NKAIN3: variants seen among roughly 807,000 people sequenced by gnomAD.
NKAIN3 encodes sodium/potassium-transporting ATPase subunit beta-1-interacting protein 3.
In NKAIN3, 25 loss-of-function variants were observed where a neutral mutation model predicts 30.2. That is an observed-to-expected ratio of 0.83 (90% confidence interval 0.60 to 1.16). The LOEUF is 1.16. NKAIN3 is among the 50% of genes most tolerant of loss of function. NKAIN3 has a pLI of 0.00. For missense variants in NKAIN3, 225 were observed against 254.1 expected (o/e 0.89, Z 0.78); for synonymous variants, 91 against 89.6 (o/e 1.02, Z -0.09).
At chr8:62,374,804 T>A (rs1471205053) in intron 1 of NKAIN3, among the ~76,000 whole-genome samples, 1 of 152,254 alleles carries the variant, frequency 6.6e-6, no homozygotes, top group Non-Finnish European at 1.5e-5. Flanking sequence ...TGTAATGTTA[T>A]AGCATATTAT....
At chr8:62,416,297 G>A (rs749243052) in intron 1 of NKAIN3, among the ~76,000 whole-genome samples, 6 of 152,204 alleles carry the variant, frequency 3.9e-5, no homozygotes, top group Admixed American at 6.5e-5. Context: ...GTTTCTTATA[G>A]TTTTGTGAGG....
intron 1 of NKAIN3, chr8:62,473,961 A>C (rs1806434849): frequency 6.6e-6 from 1 of 152,042 alleles, no homozygotes; most frequent in Admixed American, 6.6e-5. Context: ...TATATCTGAA[A>C]TTTTCCTACC....
At chr8:62,540,036 A>G (rs1326957457) in intron 1 of NKAIN3, among the ~76,000 whole-genome samples, 1 of 152,130 alleles carries the variant, frequency 6.6e-6, no homozygotes, top group Non-Finnish European at 1.5e-5. Context: ...CTATTATGGT[A>G]TTTTATTGCT....
chr8:62,766,094 G>A (rs779873934), intron 4 of NKAIN3, among the ~76,000 whole-genome samples: 23 of 152,020 alleles, frequency 1.5e-4, no homozygotes, highest in Non-Finnish European at 3.1e-4. Flanking sequence ...GGTAGATTCC[G>A]TATCTCAATA....
Position 62,810,919 on chromosome 8 carries a change from A to G in NKAIN3, c.471+63790A>G, listed in dbSNP as rs181116200. 7.0e-3 allele frequency among the ~76,000 whole-genome samples: 1,063 copies of G among 152,240 alleles called. 4 individuals carry two copies. The highest frequency in any genetic ancestry group is 0.012 in the Non-Finnish European group (810 of 68,004). On this transcript the variant is annotated intron_variant, in intron 4 of 6. Coordinates refer to ENST00000623646, the MANE Select transcript of NKAIN3 (RefSeq NM_001304533.3). The stretch of plus-strand genomic sequence containing the variant: ...TTTTACCTTGTTTTCCCCAGTAATA[A>G]CTATATCTTGCCGAACTATAGTACA...
chr8:62,432,338 G>C (rs2129597600), intron 1 of NKAIN3, among the ~76,000 whole-genome samples: 1 of 152,058 alleles, frequency 6.6e-6, no homozygotes, highest in African/African-American at 2.4e-5. Context: ...TAATTTGGAG[G>C]AACTTCAAGA....
chr8:62,802,353 T>A (rs1276337216), intron 4 of NKAIN3, among the ~76,000 whole-genome samples: 3 of 152,102 alleles, frequency 2.0e-5, no homozygotes, highest in African/African-American at 7.2e-5. Flanking sequence ...GAAAAAATGT[T>A]AAGGGCAGCC....
chr8:62,459,824 A>G (rs1805934730), intron 1 of NKAIN3, among the ~76,000 whole-genome samples: 1 of 152,194 alleles, frequency 6.6e-6, no homozygotes, highest in Admixed American at 6.5e-5. Flanking sequence ...GAGAGAATAC[A>G]GTAAGAAATG....
chr8:62,790,572 T>C (rs1817675408), intron 4 of NKAIN3, among the ~76,000 whole-genome samples: 1 of 83,888 alleles, frequency 1.2e-5, no homozygotes, highest in Non-Finnish European at 3.1e-5. Flanking sequence ...TGTGTGTCTG[T>C]CTGTCTGTCT....
intron 1 of NKAIN3, among the ~76,000 whole-genome samples, chr8:62,548,468 T>A (rs987679639): frequency 2.6e-5 from 4 of 152,092 alleles, no homozygotes; most frequent in Non-Finnish European, 1.5e-5. Context: ...GCTCCCCCTG[T>A]GTCGGGGGTC....
At chr8:62,845,285 T>TTTTATATATATATATA (rs1554583723) in intron 4 of NKAIN3, among the ~76,000 whole-genome samples, 3 of 68,928 alleles carry the variant, frequency 4.4e-5, no homozygotes, top group Admixed American at 1.6e-4. Flanking sequence ...GGATAGTAGA[T>TTTTATATATATATATA]TATATATATA....
chr8:62,458,650 C>A (rs1417167794), intron 1 of NKAIN3, among the ~76,000 whole-genome samples: 6 of 152,210 alleles, frequency 3.9e-5, no homozygotes, highest in African/African-American at 1.2e-4. Context: ...AAAGGTCTTT[C>A]TCATGTTCTT....
At chr8:62,919,993 G>A (rs1227185933) in intron 5 of NKAIN3, among the ~76,000 whole-genome samples, 1 of 150,972 alleles carries the variant, frequency 6.6e-6, no homozygotes, top group Non-Finnish European at 1.5e-5. Flanking sequence ...TTCATTTTGA[G>A]GTTAACTTCA....
In NKAIN3 at chr8:62,568,892, A is replaced by G. The variant is rs1461533251; in HGVS notation, c.55-10647A>G. The stretch of plus-strand genomic sequence containing the variant: ...TTTTTCACCTAGAAGAGCTAGTTCA[A>G]GGAACAACCTAGACAATCACACTTG... On this transcript the variant is annotated intron_variant, in intron 1 of 6. Coordinates refer to ENST00000623646, the MANE Select transcript of NKAIN3 (RefSeq NM_001304533.3). 5.3e-5 allele frequency among the ~76,000 whole-genome samples: 8 copies of G among 152,208 alleles called. No individual in the cohort carries two copies. The East Asian group carries it at 1.5e-3, about 29-fold the overall frequency.
intron 3 of NKAIN3, among the ~76,000 whole-genome samples, chr8:62,627,894 G>A (rs1374499775): frequency 6.6e-6 from 1 of 151,996 alleles, no homozygotes; most frequent in Admixed American, 6.6e-5. Flanking sequence ...CTGGGACGTG[G>A]TTTCCTTATC....
At chr8:62,283,392 C>G (rs868723950) in intron 1 of NKAIN3, among the ~76,000 whole-genome samples, 1 of 151,996 alleles carries the variant, frequency 6.6e-6, no homozygotes, top group African/African-American at 2.4e-5. Flanking sequence ...CAAAACATTA[C>G]TCAAGGGTCA....
chr8:62,624,723 G>T (rs1429254225), intron 3 of NKAIN3, among the ~76,000 whole-genome samples: 1 of 149,996 alleles, frequency 6.7e-6, no homozygotes, highest in African/African-American at 2.4e-5. Context: ...TGCTCCTCTG[G>T]TGTGCTCGTT....
At chr8:62,528,241 G>C (rs907343593) in intron 1 of NKAIN3, among the ~76,000 whole-genome samples, 1 of 144,192 alleles carries the variant, frequency 6.9e-6, no homozygotes, top group Non-Finnish European at 1.5e-5. Context: ...GAAGAGGGAG[G>C]GACAAAGTGG....
intron 4 of NKAIN3, among the ~76,000 whole-genome samples, chr8:62,833,503 A>G (rs767944324): frequency 6.6e-6 from 1 of 152,106 alleles, no homozygotes; most frequent in Non-Finnish European, 1.5e-5. Flanking sequence ...ATTACAACCA[A>G]TCCCACAGAA....
Sources: gnomAD v4.1 joint callset for allele counts (sites outside exome capture counted in the v4.1 genomes callset) on GRCh38, gnomAD v4.1.1 for gene constraint, MANE v1.5 for transcripts, NCBI Gene and HGNC (gene_info 2026-07-23, HGNC 2026-07-21) for gene names.